The following PIK3CB variants were observed in gnomAD, a reference collection of about 807,000 sequenced individuals.
PIK3CB encodes phosphatidylinositol-4,5-bisphosphate 3-kinase catalytic subunit beta, also known as phosphatidylinositol 4,5-bisphosphate 3-kinase catalytic subunit beta isoform.
In PIK3CB, 39 loss-of-function variants were observed where a neutral mutation model predicts 136.8. That is an observed-to-expected ratio of 0.29 (90% confidence interval 0.22 to 0.37). The LOEUF is 0.37. Among genes scored for constraint, PIK3CB ranks in the 10% least tolerant of loss-of-function variants. PIK3CB has a pLI of 1.00. For synonymous variants in PIK3CB, 428 were observed against 436.6 expected (o/e 0.98, Z 0.25); for missense variants, 868 against 1,275.4 (o/e 0.68, Z 4.87).
At chr3:138,679,935 GTA>G (rs2043731291) in intron 19 of PIK3CB, among the ~76,000 whole-genome samples, 1 of 35,272 alleles carries the variant, frequency 2.8e-5, no homozygotes, top group African/African-American at 1.1e-4. Context: ...AAACACAAAA[GTA>G]AAAAAAAAAA....
At chr3:138,726,733 C>T (rs551417749) in intron 8 of PIK3CB, among the ~76,000 whole-genome samples, 43 of 152,112 alleles carry the variant, frequency 2.8e-4, no homozygotes, top group African/African-American at 9.9e-4. Context: ...AAGATGTACA[C>T]ATGAAAGAGG....
At chr3:138,826,269 G>A (rs2108917681) in intron 1 of PIK3CB, 1 of 1,594,234 alleles carries the variant, frequency 6.3e-7, no homozygotes, top group Admixed American at 1.7e-5. Context: ...CAGTGGACAA[G>A]AAGGCTGCTG....
intron 15 of PIK3CB, 38 bp from the exon 16 acceptor site, chr3:138,689,012 C>CT: frequency 8.1e-7 from 1 of 1,230,558 alleles, no homozygotes; most frequent in Non-Finnish European, 1.2e-6. Flanking sequence ...GTTTGTTTAT[C>CT]AAACACTTCA....
intron 19 of PIK3CB, among the ~76,000 whole-genome samples, chr3:138,673,097 GCACA>G (rs919867612): frequency 6.6e-6 from 1 of 152,052 alleles, no homozygotes; most frequent in Non-Finnish European, 1.5e-5. Flanking sequence ...CAACGCCAGA[GCACA>G]CAGAGACTTG....
chr3:138,829,783 A>C (rs560762076), intron 1 of PIK3CB, among the ~76,000 whole-genome samples: 2 of 152,048 alleles, frequency 1.3e-5, no homozygotes, highest in Non-Finnish European at 1.5e-5. Flanking sequence ...GCGAAACTCC[A>C]TCTCAAAAAA....
intron 18 of PIK3CB, among the ~76,000 whole-genome samples, chr3:138,682,589 C>T (rs549997392): frequency 3.0e-4 from 45 of 152,200 alleles, no homozygotes; most frequent in African/African-American, 1.1e-3. Flanking sequence ...TTAAGAATCA[C>T]GTAAGTAACT....
intron 4 of PIK3CB, among the ~76,000 whole-genome samples, chr3:138,755,090 C>G (rs1051356136): frequency 1.1e-4 from 17 of 152,176 alleles, no homozygotes; most frequent in African/African-American, 1.9e-4. Context: ...TTTCCTGACT[C>G]TCTACCAAAA....
intron 13 of PIK3CB, among the ~76,000 whole-genome samples, chr3:138,697,581 C>A (rs2044165146): frequency 6.6e-6 from 1 of 152,138 alleles, no homozygotes; most frequent in Admixed American, 6.5e-5. Flanking sequence ...AACAGGCGTG[C>A]ACCACCATGT....
At chr3:138,747,101 T>TATATATATATATAC (rs2045376258) in intron 4 of PIK3CB, among the ~76,000 whole-genome samples, 2 of 92,724 alleles carry the variant, frequency 2.2e-5, no homozygotes, top group African/African-American at 4.8e-5. Context: ...TATATATATA[T>TATATATATATATAC]ATATATATAT....
intron 1 of PIK3CB, among the ~76,000 whole-genome samples, chr3:138,814,892 C>A (rs1933231857): frequency 6.6e-6 from 1 of 151,896 alleles, no homozygotes; most frequent in Non-Finnish European, 1.5e-5. Context: ...AATCCCAGCA[C>A]TTTGAGAGGC....
chr3:138,826,499 GTTTT>G (rs34843148), intron 1 of PIK3CB, among the ~76,000 whole-genome samples: 11 of 95,912 alleles, frequency 1.1e-4, no homozygotes, highest in Admixed American at 2.4e-4. Context: ...GACCATTTGG[GTTTT>G]TTTTTTTTTT....
chr3:138,757,897 T>C (rs1044254753), intron 3 of PIK3CB, among the ~76,000 whole-genome samples: 1 of 152,178 alleles, frequency 6.6e-6, no homozygotes, highest in African/African-American at 2.4e-5. Flanking sequence ...GAACCAACAA[T>C]CACACTTCTA....
At chr3:138,749,096 G>A (rs569115033) in intron 4 of PIK3CB, among the ~76,000 whole-genome samples, 1 of 152,254 alleles carries the variant, frequency 6.6e-6, no homozygotes, top group African/African-American at 2.4e-5. Context: ...CTCTAAATTA[G>A]CTATGAATGG....
chr3:138,708,962 A>G (rs150748261), intron 10 of PIK3CB, among the ~76,000 whole-genome samples: 135 of 151,984 alleles, frequency 8.9e-4, no homozygotes, highest in African/African-American at 3.0e-3. Flanking sequence ...TTCTGTGTGT[A>G]TAGGGAGACA....
In PIK3CB at chr3:138,737,898, G is replaced by A; in HGVS notation, c.622-12C>T. On this transcript the variant is annotated splice_polypyrimidine_tract_variant and intron_variant, in intron 5 of 23. Coordinates refer to ENST00000674063, the MANE Select transcript of PIK3CB (RefSeq NM_006219.3). ...AAGCTAAACACGTCCTGAAGGGGGAGGGAGATGGGGAAAAAAGCAGTAAAT... is the reference window on the plus strand; with the variant it reads ...AAGCTAAACACGTCCTGAAGGGGGAAGGAGATGGGGAAAAAAGCAGTAAAT... The A allele has an allele frequency of 6.5e-7, 1 of 1,539,052 alleles. No homozygotes were observed. The highest frequency in any genetic ancestry group is 8.8e-7 in the Non-Finnish European group (1 of 1,133,180).
intron 8 of PIK3CB, among the ~76,000 whole-genome samples, chr3:138,720,906 A>G (rs1273933519): frequency 6.6e-6 from 1 of 152,112 alleles, no homozygotes; most frequent in Non-Finnish European, 1.5e-5. Context: ...AAGAAAGAAA[A>G]TAAAGAAAAA....
At chr3:138,767,009 T>C (rs1576401371) in intron 2 of PIK3CB, among the ~76,000 whole-genome samples, 1 of 139,034 alleles carries the variant, frequency 7.2e-6, no homozygotes, top group Admixed American at 7.5e-5. Flanking sequence ...CCTTTTTTTT[T>C]TGAGACAAAA....
At chr3:138,668,529 AC>A (rs2043461237) in intron 19 of PIK3CB, among the ~76,000 whole-genome samples, 1 of 152,124 alleles carries the variant, frequency 6.6e-6, no homozygotes, top group African/African-American at 2.4e-5. Flanking sequence ...AGTAATGTTT[AC>A]CCTCCTTTCT....
Position 138,755,748 on chromosome 3 carries a change from A to T in PIK3CB, c.397+6T>A, listed in dbSNP as rs557586198. 83 of 1,363,698 alleles carry T rather than the reference A, an allele frequency of 6.1e-5. No individual in the cohort carries two copies. In the African/African-American group the frequency reaches 1.1e-3, roughly 18 times the overall value. The allele number at this position is 1,363,698 out of a possible 1,614,324, so 84.5% of individuals were successfully genotyped here. On this transcript the variant is annotated splice_donor_region_variant and intron_variant, in intron 4 of 23. Coordinates refer to ENST00000674063, the MANE Select transcript of PIK3CB (RefSeq NM_006219.3). ...ATTTGTACTTTTTTTTTATTTTTTA[A>T]TTTACCTTTTCCTATAAGGACTCCA...
Sources: allele counts gnomAD v4.1 joint callset (sites outside exome capture counted in the v4.1 genomes callset), GRCh38; gene constraint gnomAD v4.1.1; transcripts MANE v1.5; gene names NCBI Gene and HGNC (gene_info 2026-07-23, HGNC 2026-07-21).